NFRKB: variants seen among roughly 807,000 people sequenced by gnomAD.
The protein encoded by NFRKB is nuclear factor related to kappaB binding protein, also known as nuclear factor related to kappa-B-binding protein.
A neutral mutation model predicts 135.7 loss-of-function variants in NFRKB; 62 were observed. That is an observed-to-expected ratio of 0.46 (90% confidence interval 0.37 to 0.56). NFRKB has a LOEUF of 0.56. Ranked by LOEUF, NFRKB falls within the 20% of genes least tolerant of loss-of-function variation. The probability of loss-of-function intolerance (pLI) is 0.00; values close to 1 mark genes in which losing one functional copy is unlikely to be tolerated. For missense variants in NFRKB, 1,545 were observed against 1,662.0 expected (o/e 0.93, Z 1.22); for synonymous variants, 678 against 635.6 (o/e 1.07, Z -1.00).
rs767082915 is a variant in NFRKB at position 129,878,552 on chromosome 11, G to A, written c.1385-9C>T. Reference sequence around the variant, plus strand: ...ATTATCTTGGGATTGGCCTATTAGAGGAATAAAGAGATAAAAAAATAAGAA... The same window carrying A: ...ATTATCTTGGGATTGGCCTATTAGAAGAATAAAGAGATAAAAAAATAAGAA... On this transcript the variant is annotated splice_polypyrimidine_tract_variant and intron_variant, in intron 13 of 26. Transcript: ENST00000682444. The A allele has an allele frequency of 8.1e-6, 13 of 1,607,810 alleles. No individual in the cohort carries two copies. In the South Asian group the frequency reaches 1.4e-4, roughly 18 times the overall value.
In NFRKB at chr11:129,869,602, A is replaced by C; in HGVS notation, c.3423T>G (p.Thr1141=). The change falls in exon 24 of 27, where the codon ACT becomes ACG. Residue 1141 remains threonine, a synonymous_variant. Transcript: ENST00000682444. ...TTGCAGCCCCAGAAGCCACAGCTAC[A>C]GTCTTGGACACAGCAGCATTCATAC... is the stretch of plus-strand genomic sequence containing the variant. ...LPSMNAAVSK[T]VAVASGAAST... 6.2e-7 allele frequency: 1 copy of C among 1,614,220 alleles called. No individual in the cohort carries two copies. The highest frequency in any genetic ancestry group is 1.1e-5 in the South Asian group (1 of 91,084).
intron 13 of NFRKB, among the ~76,000 whole-genome samples, chr11:129,880,018 C>A (rs1377600890): frequency 6.6e-6 from 1 of 152,064 alleles, no homozygotes; most frequent in Non-Finnish European, 1.5e-5. Flanking sequence ...GAAACCTTGT[C>A]TCTACTAAAG....
intron 23 of NFRKB, among the ~76,000 whole-genome samples, chr11:129,870,875 C>A (rs554776184): frequency 1.6e-3 from 238 of 152,288 alleles, no homozygotes; most frequent in Admixed American, 2.9e-3. Context: ...TATAATACTT[C>A]CCACCCTAAA....
intron 4 of NFRKB, among the ~76,000 whole-genome samples, chr11:129,887,002 C>T (rs949876471): frequency 6.6e-6 from 1 of 152,170 alleles, no homozygotes; most frequent in Non-Finnish European, 1.5e-5. Flanking sequence ...TAATATAATG[C>T]GATTTCAGGT....
chr11:129,893,153 C>A (rs1031496978), intron 2 of NFRKB: 1 of 1,089,360 alleles, frequency 9.2e-7, no homozygotes, highest in Non-Finnish European at 1.2e-6. Context: ...TAAAATGAGA[C>A]TGAGAATAAA....
At chr11:129,883,923 G>C (rs1350540970) in intron 8 of NFRKB, 147 bp downstream of exon 8, 1 of 838,718 alleles carries the variant, frequency 1.2e-6, no homozygotes, top group African/African-American at 1.7e-5. Context: ...CATCGTTGAT[G>C]CTAGCTAGCC....
rs1948636049 is a variant in NFRKB at position 129,873,888 on chromosome 11, A to G, written c.2407T>C (p.Ser803Pro). 6.2e-7 allele frequency: 1 copy of G among 1,614,096 alleles called. No individual in the cohort carries two copies. The highest frequency in any genetic ancestry group is 8.5e-7 in the Non-Finnish European group (1 of 1,180,034). Reference sequence around the variant, plus strand: ...GGCTGGGCCACCACTCGCACCTGAGACAGTCCAGCAGAGCCAGAGTGGCTC... The same window carrying G: ...GGCTGGGCCACCACTCGCACCTGAGGCAGTCCAGCAGAGCCAGAGTGGCTC... The part of the protein sequence containing the change: ...VVSHSGSAGL[S>P]QVRVVAQPSL... The change falls in exon 22 of 27, where the codon TCT becomes CCT. Residue 803 changes from serine (S) to proline (P), a missense_variant. Ser to Pro is a moderately conservative substitution (Grantham distance 74). Transcript: ENST00000682444.
At chr11:129,893,555 C>CA (rs572820032) in intron 2 of NFRKB, among the ~76,000 whole-genome samples, 3,336 of 92,584 alleles carry the variant, frequency 0.036, 107 homozygotes, top group African/African-American at 0.11. Context: ...GACCCTGTCT[C>CA]AAAAAAAAAA....
At chr11:129,877,169 C>A (rs186455153) in intron 16 of NFRKB, among the ~76,000 whole-genome samples, 156 bp downstream of exon 16, 1 of 152,134 alleles carries the variant, frequency 6.6e-6, no homozygotes. Flanking sequence ...TTCCCCACAC[C>A]GTTTCCACCC....
Position 129,869,646 on chromosome 11 carries a change from A to C in NFRKB, c.3379T>G (p.Ser1127Ala). ...TTCATACTGGGTAAGGACACCGCTG[A>C]AGTATGGACAGTTCCAGACCCACTG... ...VASGSGTVHT[S>A]AVSLPSMNAA... is the part of the protein sequence containing the mutation. The change falls in exon 24 of 27, where the codon TCA becomes GCA. Residue 1127 changes from serine (S) to alanine (A), a missense_variant. Transcript: ENST00000682444. The C allele has an allele frequency of 6.2e-7, 1 of 1,614,152 alleles. No individual in the cohort carries two copies. Among genetic ancestry groups the C allele is most frequent in the Non-Finnish European group, 8.5e-7 (1 of 1,180,026 alleles).
At chr11:129,866,771 G>A (rs1948212397) in intron 24 of NFRKB, among the ~76,000 whole-genome samples, 1 of 152,162 alleles carries the variant, frequency 6.6e-6, no homozygotes, top group Admixed American at 6.5e-5. Flanking sequence ...GAAATCTTAT[G>A]TAAATTAAAT....
Position 129,870,141 on chromosome 11 carries a change from T to C in NFRKB, c.2884A>G (p.Thr962Ala). The C allele has an allele frequency of 6.2e-7, 1 of 1,614,168 alleles. No individual in the cohort carries two copies. Among genetic ancestry groups the C allele is most frequent in the South Asian group, 1.1e-5 (1 of 91,086 alleles). Residue 962 changes from threonine (T) to alanine (A), a missense_variant, in exon 24 of 27, where the codon ACA becomes GCA. Coordinates refer to ENST00000682444, the MANE Select transcript of NFRKB (RefSeq NM_001143835.2). ...AGAACCGTCTGGCCCTTGGCATCTG[T>C]GGTGATGGAAGAGGGCGGCAGACGC... Reference protein sequence around the residue: ...VLRLPPSSITTDAKGQTVLRI... With the variant: ...VLRLPPSSITADAKGQTVLRI...
At position 129,874,552 on chromosome 11, in the gene NFRKB, T is replaced by A; in HGVS notation, c.2007A>T (p.Ala669=). 1 of 1,614,180 alleles carries A rather than the reference T, an allele frequency of 6.2e-7. No homozygotes were observed. The highest frequency in any genetic ancestry group is 8.5e-7 in the Non-Finnish European group (1 of 1,180,030). The change falls in exon 20 of 27, where the codon GCA becomes GCT. Residue 669 remains alanine (A), a synonymous_variant. Transcript: ENST00000682444. This position sits in a 1 kb window ranked among gnomAD's most constrained non-coding sequence, Gnocchi z 4.5. ...GCTGAAGAGCTTTTCTGGCTTTAGC[T>A]GCAGCTGCTTGTGCTTGGTGAATCC... is the stretch of plus-strand genomic sequence containing the variant. ...FERIHQAQAA[A]AKARKALQQK...
chr11:129,878,395 G>A (rs1454865789), intron 14 of NFRKB, 40 bp from the exon 15 acceptor site: 1 of 1,613,560 alleles, frequency 6.2e-7, no homozygotes, highest in Non-Finnish European at 8.5e-7. Context: ...ATGGACTAAA[G>A]AATTTGGGCA....
In NFRKB at chr11:129,869,763, T is replaced by C. The variant is rs1948405679; in HGVS notation, c.3262A>G (p.Ile1088Val). ...ACTCCCAGTCCCTGCACGATGCGGA[T>C]CGTGGCAGCTGGTTTTGCTTCTGAA... is the stretch of plus-strand genomic sequence containing the variant. ...ASSEAKPAAT[I>V]RIVQGLGVMP... is the part of the protein sequence containing the mutation. Residue 1088 changes from isoleucine (I) to valine (V), a missense_variant, in exon 24 of 27, where the codon ATC becomes GTC. Ile to Val is a conservative substitution (Grantham distance 29). This residue lies in a region of NFRKB where 753 missense variants were observed against 804.3 expected (regional missense o/e 0.94). Transcript: ENST00000682444. 1 of 1,614,258 alleles carries C rather than the reference T, an allele frequency of 6.2e-7. No homozygotes were observed. Among genetic ancestry groups the C allele is most frequent in the African/African-American group, 1.3e-5 (1 of 75,062 alleles).
chr11:129,869,945 C>G lies in NFRKB; in HGVS notation c.3080G>C (p.Ser1027Thr). The change falls in exon 24 of 27, where the codon AGT (serine) becomes ACT (threonine). Residue 1027 changes from serine to threonine, a missense_variant. Transcript: ENST00000682444. Reference protein sequence around the residue: ...VHAADSPAKASSASAPSSTPT... With the variant: ...VHAADSPAKATSASAPSSTPT... ...AGTGGATGAAGGGGCACTGGCTGAA[C>G]TGGCCTTGGCAGGGCTATCAGCTGC... 1.2e-6 allele frequency: 2 copies of G among 1,614,258 alleles called. No homozygotes were observed.
chr11:129,878,683 C>T, intron 13 of NFRKB, 140 bp from the exon 14 acceptor site: 1 of 733,430 alleles, frequency 1.4e-6, no homozygotes, highest in Non-Finnish European at 2.3e-6. Flanking sequence ...ACATCCACTG[C>T]CTTCCAGCTG....
In NFRKB at chr11:129,873,179, C is replaced by T; in HGVS notation, c.2551-83G>A. On this transcript the variant is annotated intron_variant, in intron 22 of 26. Transcript: ENST00000682444. Reference sequence around the variant, plus strand: ...CTAAGCAAGAGTCTCCCTCAGCACCCCGGAAGCATTGCTCTCAAAGAGCTT... The same window carrying T: ...CTAAGCAAGAGTCTCCCTCAGCACCTCGGAAGCATTGCTCTCAAAGAGCTT... 2.4e-6 allele frequency: 3 copies of T among 1,233,290 alleles called. No individual in the cohort carries two copies. In the South Asian group the frequency reaches 4.7e-5, roughly 19 times the overall value. 76.4% of individuals were successfully genotyped at this position (1,233,290 alleles called of 1,614,324 possible).
At chr11:129,873,351 A>G (rs1011822710) in intron 22 of NFRKB, among the ~76,000 whole-genome samples, 6 of 152,228 alleles carry the variant, frequency 3.9e-5, no homozygotes, top group African/African-American at 1.4e-4. Context: ...TACCCCTTTT[A>G]TAGCAAAGGA....
Sources: allele counts gnomAD v4.1 joint callset (sites outside exome capture counted in the v4.1 genomes callset), GRCh38; gene constraint gnomAD v4.1.1; regional missense constraint gnomAD v4.1.1; non-coding constraint Gnocchi (gnomAD v3.1); transcripts MANE v1.5; gene names NCBI Gene and HGNC (gene_info 2026-07-23, HGNC 2026-07-21).